RIMKLB: variants seen among roughly 807,000 people sequenced by gnomAD.
RIMKLB encodes beta-citrylglutamate synthase B.
In RIMKLB, 7 loss-of-function variants were observed where a neutral mutation model predicts 32.0. The observed-to-expected ratio is 0.22, with a 90% CI of 0.12 to 0.41. The LOEUF (loss-of-function observed/expected upper bound fraction) is 0.41. Among genes scored for constraint, RIMKLB ranks in the 10% least tolerant of loss-of-function variants. The pLI is 1.00. For synonymous variants in RIMKLB, 172 were observed against 185.1 expected, an observed-to-expected ratio of 0.93 and a Z score of 0.57; for missense variants, 289 against 498.7, an observed-to-expected ratio of 0.58 and a Z score of 4.00.
chr12:8,773,446 G>A lies in RIMKLB; in HGVS notation c.823G>A (p.Val275Ile), dbSNP rs768147219. 2.2e-5 allele frequency: 35 copies of A among 1,614,088 alleles called. No homozygotes were observed. Among genetic ancestry groups the A allele is most frequent in the African/African-American group, 2.7e-5 (2 of 74,922 alleles). ...LLMKDDGSFCVCEANANVGFI... is the reference protein window; with the variant it reads ...LLMKDDGSFCICEANANVGFI... ...GATGAAAGATGACGGCTCCTTCTGC[G>A]TCTGTGAGGCCAATGCAAATGTAGG... The change falls in exon 6 of 6, where the codon GTC (valine) becomes ATC (isoleucine). Residue 275 changes from valine (V) to isoleucine (I), a missense_variant. Val to Ile is a conservative substitution (Grantham distance 29). Coordinates refer to ENST00000535829, the MANE Select transcript of RIMKLB (RefSeq NM_001297776.2).
At chr12:8,759,049 C>T (rs1424321236) in intron 5 of RIMKLB, among the ~76,000 whole-genome samples, 1 of 152,090 alleles carries the variant, frequency 6.6e-6, no homozygotes, top group East Asian at 1.9e-4. Context: ...ATACTGGTGC[C>T]TTTGTCTTGA....
chr12:8,691,346 C>T (rs748377816), intron 1 of RIMKLB, among the ~76,000 whole-genome samples: 6 of 152,002 alleles, frequency 3.9e-5, no homozygotes, highest in Middle Eastern at 3.4e-3. Flanking sequence ...CAGTGGCTCA[C>T]GACTGTAATC....
intron 2 of RIMKLB, among the ~76,000 whole-genome samples, chr12:8,715,516 G>GCCCA (rs1387485099): frequency 1.3e-5 from 2 of 152,060 alleles, no homozygotes; most frequent in African/African-American, 2.4e-5. Flanking sequence ...GAGGCACCAT[G>GCCCA]CCCACCTACT....
intron 2 of RIMKLB, among the ~76,000 whole-genome samples, chr12:8,717,866 TTGAG>T (rs757283463): frequency 4.3e-4 from 66 of 152,334 alleles, no homozygotes; most frequent in African/African-American, 1.5e-3. Context: ...TTTGTTGTTG[TTGAG>T]TATCTTCATC....
chr12:8,764,682 T>C (rs940341251), intron 5 of RIMKLB, among the ~76,000 whole-genome samples: 2 of 152,134 alleles, frequency 1.3e-5, no homozygotes, highest in Admixed American at 1.3e-4. Flanking sequence ...GCACCCTCAG[T>C]CCTGCTGCTG....
intron 2 of RIMKLB, among the ~76,000 whole-genome samples, chr12:8,740,062 C>T (rs754797896): frequency 5.9e-5 from 9 of 152,150 alleles, no homozygotes; most frequent in South Asian, 2.1e-4. Flanking sequence ...CTCACCACTG[C>T]GTTTGGCTAA....
intron 5 of RIMKLB, among the ~76,000 whole-genome samples, chr12:8,771,968 A>T (rs1950444682): frequency 6.6e-6 from 1 of 152,110 alleles, no homozygotes; most frequent in Non-Finnish European, 1.5e-5. Context: ...GGCTCACAGC[A>T]ACTTCCACCT....
At chr12:8,676,975 C>T (rs1024238139), upstream of RIMKLB, among the ~76,000 whole-genome samples, 1 of 152,098 alleles carries the variant, frequency 6.6e-6, no homozygotes, top group Non-Finnish European at 1.5e-5. Flanking sequence ...CCACCCTGGC[C>T]GTGCTATAGT....
chr12:8,742,134 A>G (rs1161390012), intron 2 of RIMKLB, among the ~76,000 whole-genome samples: 2 of 151,536 alleles, frequency 1.3e-5, no homozygotes, highest in Non-Finnish European at 1.5e-5. Context: ...TCCTGACCTC[A>G]TGATCCGCCC....
chr12:8,695,554 G>C (rs1490560386), upstream of RIMKLB, among the ~76,000 whole-genome samples: 1 of 146,926 alleles, frequency 6.8e-6, no homozygotes, highest in Non-Finnish European at 1.5e-5. Flanking sequence ...ATGTGTTTAA[G>C]CCTTATCATT....
chr12:8,711,380 C>A lies in RIMKLB; in HGVS notation c.-56-2431C>A, dbSNP rs781735778. On this transcript the variant is annotated intron_variant, in intron 1 of 5. Transcript: ENST00000535829. Reference sequence around the variant, plus strand: ...CACCACTGCACTCCAGCCTGGGTGACTGAAACCATGTCTCAGAAAGAAAAA... The same window carrying A: ...CACCACTGCACTCCAGCCTGGGTGAATGAAACCATGTCTCAGAAAGAAAAA... Among the ~76,000 whole-genome samples the A allele has an allele frequency of 5.9e-5, 9 of 152,088 alleles. No individual in the cohort carries two copies. The East Asian group carries it at 7.7e-4, about 13-fold the overall frequency.
At chr12:8,761,380 T>C (rs1949508645) in intron 5 of RIMKLB, among the ~76,000 whole-genome samples, 2 of 152,174 alleles carry the variant, frequency 1.3e-5, no homozygotes, top group Non-Finnish European at 2.9e-5. Context: ...CCGAATTTGT[T>C]TTTTTCATAT....
At chr12:8,751,649 C>T (rs776947163) in intron 3 of RIMKLB, among the ~76,000 whole-genome samples, 1 of 152,172 alleles carries the variant, frequency 6.6e-6, no homozygotes, top group African/African-American at 2.4e-5. Context: ...CTTGGGGCTT[C>T]TGTTATTTGT....
Position 8,762,506 on chromosome 12 carries a change from G to A in RIMKLB, c.697+8413G>A, listed in dbSNP as rs115684422. 5.2e-3 allele frequency among the ~76,000 whole-genome samples: 792 copies of A among 151,912 alleles called. 4 individuals carry two copies. The highest frequency in any genetic ancestry group is 0.018 in the African/African-American group (741 of 41,408). On this transcript the variant is annotated intron_variant, in intron 5 of 5. Coordinates refer to ENST00000535829, the MANE Select transcript of RIMKLB (RefSeq NM_001297776.2). ...CTTTCCTTTTCTTTCTGATGACCCC[G>A]GCAGTTTAAGACTGCCACCTCTTTA...
At chr12:8,746,606 A>G (rs1292204429) in intron 2 of RIMKLB, among the ~76,000 whole-genome samples, 1 of 151,764 alleles carries the variant, frequency 6.6e-6, no homozygotes, top group Non-Finnish European at 1.5e-5. Context: ...CTCAAAAAAA[A>G]AAAAAAAAAA....
At chr12:8,782,952 A>C (rs1395477622) in exon 8 of RIMKLB, 1 of 152,144 alleles carries the variant, frequency 6.6e-6, no homozygotes, top group Non-Finnish European at 1.5e-5. Context: ...GCTTACCCTC[A>C]TCAACAGAAT....
At chr12:8,740,155 C>T (rs550647270) in intron 2 of RIMKLB, among the ~76,000 whole-genome samples, 1 of 152,188 alleles carries the variant, frequency 6.6e-6, no homozygotes, top group African/African-American at 2.4e-5. Context: ...GTCTGCCTGC[C>T]TCGTCCTCCC....
chr12:8,758,043 G>A (rs930508559), intron 5 of RIMKLB, among the ~76,000 whole-genome samples: 6 of 150,680 alleles, frequency 4.0e-5, no homozygotes, highest in Non-Finnish European at 8.8e-5. Flanking sequence ...CTATCCTCCT[G>A]CCTCTTGCCT....
chr12:8,745,693 CTTT>C (rs754631863), intron 2 of RIMKLB, among the ~76,000 whole-genome samples: 9 of 136,052 alleles, frequency 6.6e-5, no homozygotes, highest in Admixed American at 7.5e-5. Context: ...TGCACCCAGC[CTTT>C]TTTTTTTTTT....
Sources: allele counts gnomAD v4.1 joint callset (sites outside exome capture counted in the v4.1 genomes callset), GRCh38; gene constraint gnomAD v4.1.1; transcripts MANE v1.5; gene names NCBI Gene and HGNC (gene_info 2026-07-23, HGNC 2026-07-21).